Variants in ZDHHC7 observed in about 807,000 individuals in gnomAD.
ZDHHC7 encodes palmitoyltransferase ZDHHC7.
ZDHHC7 carries 12 observed loss-of-function variants against 34.1 expected under a neutral mutation model. The ratio of observed to expected loss-of-function variants is 0.35; its 90% confidence interval spans 0.23 to 0.57. ZDHHC7 has a LOEUF of 0.57. Ranked by LOEUF, ZDHHC7 falls within the 20% of genes least tolerant of loss-of-function variation. The pLI is 0.84. For synonymous variants in ZDHHC7, 185 were observed against 155.4 expected, an observed-to-expected ratio of 1.19 and a Z score of -1.42; for missense variants, 388 against 402.7, an observed-to-expected ratio of 0.96 and a Z score of 0.31.
chr16:84,981,738 C>T (rs1163983719), intron 4 of ZDHHC7, 132 bp downstream of exon 4: 2 of 1,541,110 alleles, frequency 1.3e-6, no homozygotes, highest in South Asian at 1.2e-5. Context: ...CACCTACGGC[C>T]CCGCCCGTAC....
At chr16:85,000,061 G>C (rs1384861721) in intron 1 of ZDHHC7, among the ~76,000 whole-genome samples, 1 of 152,120 alleles carries the variant, frequency 6.6e-6, no homozygotes, top group East Asian at 1.9e-4. Flanking sequence ...GATCGCTTGA[G>C]TCTCGGAGGT....
upstream of ZDHHC7, among the ~76,000 whole-genome samples, chr16:85,012,679 C>A (rs2072809778): frequency 6.6e-6 from 1 of 152,054 alleles, no homozygotes; most frequent in Non-Finnish European, 1.5e-5. Flanking sequence ...CCGAGGCAGG[C>A]AGATCACCTG....
chr16:84,992,338 GCGCC>G (rs2072521763), intron 2 of ZDHHC7, among the ~76,000 whole-genome samples: 2 of 80,442 alleles, frequency 2.5e-5, no homozygotes, highest in African/African-American at 2.6e-4. Context: ...ACAGTGGCAG[GCGCC>G]TGTACCTGTA....
At chr16:84,994,872 G>A (rs1271542753) in intron 2 of ZDHHC7, among the ~76,000 whole-genome samples, 1 of 152,162 alleles carries the variant, frequency 6.6e-6, no homozygotes, top group Non-Finnish European at 1.5e-5. Flanking sequence ...AAGTTAGGCT[G>A]GACAAATACA....
intron 2 of ZDHHC7, among the ~76,000 whole-genome samples, chr16:84,994,612 G>A (rs1283034604): frequency 6.6e-6 from 1 of 152,206 alleles, no homozygotes; most frequent in Non-Finnish European, 1.5e-5. Context: ...CCTCCACGGA[G>A]TGCAGGATGC....
chr16:85,001,020 G>A (rs185408226), intron 1 of ZDHHC7, among the ~76,000 whole-genome samples: 1 of 152,334 alleles, frequency 6.6e-6, no homozygotes, highest in East Asian at 1.9e-4. Flanking sequence ...ACACAGCACA[G>A]AAGGGAATTC....
At chr16:85,010,291 G>C (rs765765336) in intron 1 of ZDHHC7, among the ~76,000 whole-genome samples, 45 of 152,212 alleles carry the variant, frequency 3.0e-4, no homozygotes, top group Non-Finnish European at 5.1e-4. Flanking sequence ...CAAAGCGCTG[G>C]GATTACAGGC....
At chr16:85,015,337 G>A (rs1397671058), upstream of ZDHHC7, among the ~76,000 whole-genome samples, 3 of 152,002 alleles carry the variant, frequency 2.0e-5, no homozygotes, top group Non-Finnish European at 4.4e-5. Context: ...CTGACCTCAG[G>A]CGATCCACCC....
chr16:84,990,772 ATAAC>A, intron 2 of ZDHHC7, 137 bp from the exon 3 acceptor site: 1 of 710,320 alleles, frequency 1.4e-6, no homozygotes, highest in Non-Finnish European at 2.3e-6. Context: ...ACATAAAAAC[ATAAC>A]TAAGATCTGA....
the ZDHHC7 span, among the ~76,000 whole-genome samples, chr16:85,016,789 G>A: frequency 2.0e-5 from 3 of 151,596 alleles, no homozygotes; most frequent in African/African-American, 7.3e-5. Context: ...GATGCCAGCA[G>A]TGGACAAAAA....
intron 2 of ZDHHC7, among the ~76,000 whole-genome samples, chr16:84,993,546 G>A (rs755002621): frequency 1.3e-5 from 2 of 151,780 alleles, no homozygotes; most frequent in East Asian, 1.9e-4. Context: ...GGGGACTGAC[G>A]TGGAAGGATC....
chr16:85,025,295 A>T, the ZDHHC7 span, among the ~76,000 whole-genome samples: 2 of 151,526 alleles, frequency 1.3e-5, no homozygotes, highest in African/African-American at 4.8e-5. Context: ...CTAATCTGAG[A>T]CTGAAGCCAA....
chr16:84,994,519 G>T (rs1021390106), intron 2 of ZDHHC7, among the ~76,000 whole-genome samples: 1 of 152,140 alleles, frequency 6.6e-6, no homozygotes, highest in African/African-American at 2.4e-5. Flanking sequence ...CAGAAAGCAG[G>T]GCCTCTTGAA....
At chr16:85,000,780 G>A (rs899064707) in intron 1 of ZDHHC7, among the ~76,000 whole-genome samples, 2 of 152,188 alleles carry the variant, frequency 1.3e-5, no homozygotes, top group African/African-American at 4.8e-5. Context: ...AGGCCTCAAG[G>A]ATGTGCAGCC....
chr16:84,992,713 G>C (rs1254287598), intron 2 of ZDHHC7, among the ~76,000 whole-genome samples: 1 of 152,120 alleles, frequency 6.6e-6, no homozygotes, highest in Non-Finnish European at 1.5e-5. Flanking sequence ...ATTTTAAGCA[G>C]GCAGAGTGCA....
At chr16:84,988,842 C>T (rs1471050937) in intron 3 of ZDHHC7, 1 of 1,551,784 alleles carries the variant, frequency 6.4e-7, no homozygotes, top group African/African-American at 1.4e-5. Flanking sequence ...TTTCACTGTG[C>T]AGGCAGATGG....
chr16:85,019,547 G>A, the ZDHHC7 span, among the ~76,000 whole-genome samples: 2 of 152,016 alleles, frequency 1.3e-5, no homozygotes, highest in African/African-American at 2.4e-5. Flanking sequence ...GTGAAACCCC[G>A]TCTCTACTAA....
intron 3 of ZDHHC7, among the ~76,000 whole-genome samples, chr16:84,989,029 C>G (rs2143631084): frequency 6.6e-6 from 1 of 152,324 alleles, no homozygotes. Context: ...GGATCAGGAG[C>G]AGGGTCTGGC....
intron 4 of ZDHHC7, among the ~76,000 whole-genome samples, chr16:84,979,993 C>T (rs893614435): frequency 2.2e-5 from 3 of 136,794 alleles, no homozygotes; most frequent in East Asian, 2.2e-4. Context: ...CTTGCTCTGT[C>T]GCCCAGGCTG....
Sources: gnomAD v4.1 joint callset for allele counts (sites outside exome capture counted in the v4.1 genomes callset) on GRCh38, gnomAD v4.1.1 for gene constraint, MANE v1.5 for transcripts, NCBI Gene and HGNC (gene_info 2026-07-23, HGNC 2026-07-21) for gene names.